The following HDX variants were observed in gnomAD, a reference collection of about 807,000 sequenced individuals.
The protein encoded by HDX is highly divergent homeobox.
Under a neutral mutation model 45.2 loss-of-function variants are expected in HDX, and 19 were observed. That is an observed-to-expected ratio of 0.42 (90% CI 0.29 to 0.62). The LOEUF (loss-of-function observed/expected upper bound fraction) is 0.62. HDX is among the 20% of genes least tolerant of loss of function. HDX has a pLI of 0.20. For missense variants in HDX, 532 were observed against 493.9 expected (o/e 1.08, Z -0.73); for synonymous variants, 188 against 172.8 (o/e 1.09, Z -0.69).
intron 1 of HDX, among the ~76,000 whole-genome samples, chrX:84,497,690 ACTGTGTGT>A (rs1477199894): frequency 0.013 from 348 of 25,861 alleles, 1 homozygote; most frequent in African/African-American, 0.035. Context: ...ATGTTATATG[ACTGTGTGT>A]GTGTGTGTGT....
At position 84,475,373 on chromosome X, in the gene HDX, C is replaced by T. The variant is rs2040526742; in HGVS notation, c.25G>A (p.Val9Ile). The part of the protein sequence containing the change: MNLRSVFT[V>I]EQQRILQRYY... ...CGCTGTAAAATCCTTTGTTGTTCTA[C>T]AGTAAATACAGAACGTAGATTCATC... The change falls in exon 3 of 11, where the codon GTA becomes ATA. Residue 9 changes from valine to isoleucine, a missense_variant. Coordinates refer to ENST00000373177, the MANE Select transcript of HDX (RefSeq NM_001177479.2). The T allele has an allele frequency of 8.8e-7, 1 of 1,130,289 alleles. No homozygotes were observed. Among genetic ancestry groups the T allele is most frequent in the Admixed American group, 2.7e-5 (1 of 37,731 alleles). The allele number at this position is 1,130,289 out of a possible 1,213,427, so 93.1% of individuals were successfully genotyped here.
intron 2 of HDX, among the ~76,000 whole-genome samples, chrX:84,478,527 A>T: frequency 8.9e-6 from 1 of 111,929 alleles, no homozygotes; most frequent in Non-Finnish European, 1.9e-5. Flanking sequence ...GCCCCAGCTA[A>T]TTAAAACATT....
In HDX at chrX:84,340,964, A is replaced by C. The variant is rs758697505; in HGVS notation, c.1660+3286T>G. On this transcript the variant is annotated intron_variant, in intron 7 of 10. Transcript: ENST00000373177. Reference sequence around the variant, plus strand: ...AATGTCAGTGTAGGAGCAGTGGTCCATTAAGAGTGGACCATTAAGTGGTCT... The same window carrying C: ...AATGTCAGTGTAGGAGCAGTGGTCCCTTAAGAGTGGACCATTAAGTGGTCT... Among the ~76,000 whole-genome samples the C allele has an allele frequency of 5.4e-5, 6 of 111,821 alleles. No homozygotes were observed. In the East Asian group the frequency reaches 1.7e-3, roughly 32 times the overall value.
At chrX:84,447,845 C>T (rs1464322066) in intron 4 of HDX, among the ~76,000 whole-genome samples, 4 of 111,378 alleles carry the variant, frequency 3.6e-5, no homozygotes, top group Non-Finnish European at 7.5e-5. Context: ...TGAGAAAAGG[C>T]TGCCATACTT....
intron 5 of HDX, among the ~76,000 whole-genome samples, chrX:84,433,780 A>G (rs2039557255): frequency 9.0e-6 from 1 of 111,376 alleles, no homozygotes; most frequent in Non-Finnish European, 1.9e-5. Flanking sequence ...TGTGGGCCGT[A>G]TAGTCATTTT....
At chrX:84,398,585 C>A (rs2038621528) in intron 5 of HDX, among the ~76,000 whole-genome samples, 1 of 111,735 alleles carries the variant, frequency 8.9e-6, no homozygotes, top group Non-Finnish European at 1.9e-5. Context: ...TCTTAGAGAC[C>A]TACAAAGAGA....
chrX:84,356,614 CTTTTTTT>C (rs59321751), intron 6 of HDX, among the ~76,000 whole-genome samples: 1 of 39,505 alleles, frequency 2.5e-5, no homozygotes, highest in South Asian at 2.7e-3. Context: ...CTGTGGATAT[CTTTTTTT>C]TTTTTTTTTT....
chrX:84,344,177 T>C, intron 7 of HDX, 73 bp downstream of exon 7: 2 of 817,199 alleles, frequency 2.4e-6, no homozygotes, highest in Non-Finnish European at 3.6e-6. Context: ...TGAAATGCAG[T>C]AAACTGAAAA....
chrX:84,429,874 A>T (rs183112945), intron 5 of HDX, among the ~76,000 whole-genome samples: 1,665 of 110,571 alleles, frequency 0.015, 33 homozygotes, highest in African/African-American at 0.052. Context: ...ACAATTTTTT[A>T]AAAAAACTAG....
At chrX:84,484,787 C>T (rs779681256) in intron 2 of HDX, among the ~76,000 whole-genome samples, 1 of 111,682 alleles carries the variant, frequency 9.0e-6, no homozygotes, top group African/African-American at 3.2e-5. Flanking sequence ...TGAAGTTGAT[C>T]TGATCTTATA....
At chrX:84,472,756 T>G (rs1324245831) in intron 3 of HDX, among the ~76,000 whole-genome samples, 1 of 111,414 alleles carries the variant, frequency 9.0e-6, no homozygotes, top group East Asian at 2.8e-4. Context: ...GTTCAATTGT[T>G]TTCCACATTC....
At chrX:84,426,614 T>C (rs2039388984) in intron 5 of HDX, among the ~76,000 whole-genome samples, 2 of 109,298 alleles carry the variant, frequency 1.8e-5, no homozygotes, top group Non-Finnish European at 3.8e-5. Flanking sequence ...CACATAAAAG[T>C]AGAAAGTAGA....
Position 84,351,225 on chromosome X carries a change from C to G in HDX, c.1453-6768G>C, listed in dbSNP as rs183078586. Among the ~76,000 whole-genome samples, 175 of 111,014 alleles carry G rather than the reference C, an allele frequency of 1.6e-3. 1 individual carries two copies. Among genetic ancestry groups the G allele is most frequent in the African/African-American group, 5.3e-3 (163 of 30,519 alleles). Reference sequence around the variant, plus strand: ...ACCCCAATGAGGAGGAGGAAGGGCTCATCATCACCTCTAAGTGCAGGAGGG... The same window carrying G: ...ACCCCAATGAGGAGGAGGAAGGGCTGATCATCACCTCTAAGTGCAGGAGGG... On this transcript the variant is annotated intron_variant, in intron 6 of 10. Transcript: ENST00000373177.
At chrX:84,409,363 C>T (rs1157651326) in intron 5 of HDX, among the ~76,000 whole-genome samples, 7 of 110,826 alleles carry the variant, frequency 6.3e-5, no homozygotes, top group Non-Finnish European at 1.1e-4. Context: ...CCCAGCCATC[C>T]CATTACTGGG....
At chrX:84,392,403 C>G (rs937861545) in intron 5 of HDX, among the ~76,000 whole-genome samples, 1 of 110,659 alleles carries the variant, frequency 9.0e-6, no homozygotes, top group African/African-American at 3.3e-5. Flanking sequence ...TTTGGGCTCC[C>G]CATTTGTTCC....
At chrX:84,425,237 G>T (rs984990063) in intron 5 of HDX, among the ~76,000 whole-genome samples, 1 of 112,155 alleles carries the variant, frequency 8.9e-6, no homozygotes, top group Non-Finnish European at 1.9e-5. Flanking sequence ...CTAATCATCA[G>T]AGAAATGCAA....
intron 2 of HDX, among the ~76,000 whole-genome samples, chrX:84,482,878 A>G (rs1269228389): frequency 1.8e-5 from 2 of 112,234 alleles, no homozygotes; most frequent in Non-Finnish European, 3.8e-5. Context: ...TCCTAGATAC[A>G]ATGGGAGTGC....
intron 5 of HDX, among the ~76,000 whole-genome samples, chrX:84,371,166 G>C (rs898561867): frequency 3.6e-5 from 4 of 111,744 alleles, no homozygotes; most frequent in African/African-American, 1.3e-4. Flanking sequence ...AAAACAGTGG[G>C]AATCCAGAAA....
intron 5 of HDX, among the ~76,000 whole-genome samples, chrX:84,378,226 C>T (rs778706080): frequency 2.0e-4 from 22 of 111,551 alleles, no homozygotes; most frequent in East Asian, 8.5e-4. Context: ...GTTTCATTAA[C>T]GCGAGACCTG....
Sources: allele counts gnomAD v4.1 joint callset (sites outside exome capture counted in the v4.1 genomes callset), GRCh38; gene constraint gnomAD v4.1.1; transcripts MANE v1.5; gene names NCBI Gene and HGNC (gene_info 2026-07-23, HGNC 2026-07-21).